Variants in DLGAP2 observed in about 807,000 individuals in gnomAD.
DLGAP2 encodes disks large-associated protein 2.
Under a neutral mutation model 100.3 loss-of-function variants are expected in DLGAP2, and 26 were observed. The ratio of observed to expected loss-of-function variants is 0.26; its 90% CI spans 0.19 to 0.36. The LOEUF (loss-of-function observed/expected upper bound fraction) is 0.36. Among genes scored for constraint, DLGAP2 ranks in the 10% least tolerant of loss-of-function variants. The probability of loss-of-function intolerance (pLI) is 1.00; values close to 1 mark genes in which losing one functional copy is unlikely to be tolerated. For synonymous variants in DLGAP2, 886 were observed against 630.1 expected (o/e 1.41, Z -6.08); for missense variants, 1,858 against 1,453.2 (o/e 1.28, Z -4.53).
At chr8:896,343 G>A (rs982972418) in intron 1 of DLGAP2, among the ~76,000 whole-genome samples, 3 of 151,936 alleles carry the variant, frequency 2.0e-5, no homozygotes, top group Admixed American at 6.6e-5. Context: ...GGACCTGGCC[G>A]GGGAGTGGAA....
At chr8:1,664,401 G>T (rs1798491962) in intron 8 of DLGAP2, among the ~76,000 whole-genome samples, 3 of 152,246 alleles carry the variant, frequency 2.0e-5, no homozygotes, top group African/African-American at 4.8e-5. Context: ...TTCAACCCCA[G>T]TCTCTCTCTG....
chr8:1,190,714 C>T (rs1454566820), intron 2 of DLGAP2, among the ~76,000 whole-genome samples: 2 of 152,092 alleles, frequency 1.3e-5, no homozygotes, highest in South Asian at 2.1e-4. Flanking sequence ...AAAGCCAGGG[C>T]CAGAGGTCAC....
At chr8:1,166,348 G>A (rs1224446600) in intron 2 of DLGAP2, among the ~76,000 whole-genome samples, 4 of 152,170 alleles carry the variant, frequency 2.6e-5, no homozygotes, top group Non-Finnish European at 4.4e-5. Context: ...ATTCAGGACC[G>A]ACATCTCCTT....
intron 2 of DLGAP2, among the ~76,000 whole-genome samples, chr8:1,251,141 A>C (rs1799030777): frequency 6.6e-6 from 1 of 152,216 alleles, no homozygotes; most frequent in African/African-American, 2.4e-5. Flanking sequence ...CCGTGCAACA[A>C]GCAATATCAT....
At chr8:1,466,991 A>T (rs1342311689) in intron 3 of DLGAP2, among the ~76,000 whole-genome samples, 1 of 152,234 alleles carries the variant, frequency 6.6e-6, no homozygotes, top group Admixed American at 6.5e-5. Context: ...TGAAAGGCTG[A>T]ACACTTTGAA....
At chr8:897,175 G>A (rs1051578524) in intron 1 of DLGAP2, among the ~76,000 whole-genome samples, 5 of 152,142 alleles carry the variant, frequency 3.3e-5, no homozygotes, top group Admixed American at 1.3e-4. Context: ...CTGGAATCTC[G>A]TGTAAAACAT....
chr8:1,595,644 C>T (rs367840446), intron 6 of DLGAP2, among the ~76,000 whole-genome samples: 4 of 147,022 alleles, frequency 2.7e-5, no homozygotes, highest in Admixed American at 6.8e-5. Context: ...TCCGCAGTCC[C>T]GCCTGGGCGA....
intron 6 of DLGAP2, among the ~76,000 whole-genome samples, chr8:1,597,895 C>G (rs1644802124): frequency 6.6e-6 from 1 of 152,194 alleles, no homozygotes; most frequent in African/African-American, 2.4e-5. Context: ...ACCAGAACAT[C>G]CATCACTATG....
intron 3 of DLGAP2, among the ~76,000 whole-genome samples, chr8:1,411,669 A>G (rs35993316): frequency 0.28 from 42,210 of 152,094 alleles, 6,075 homozygotes; most frequent in Middle Eastern, 0.35. Context: ...ACCATCTGCT[A>G]AACTTCAAAC....
At chr8:1,244,832 A>G (rs1484755041) in intron 2 of DLGAP2, among the ~76,000 whole-genome samples, 2 of 152,250 alleles carry the variant, frequency 1.3e-5, no homozygotes, top group African/African-American at 2.4e-5. Flanking sequence ...CCATCAATAA[A>G]GTAAGAAGGA....
At chr8:1,232,854 G>A (rs924423210) in intron 2 of DLGAP2, among the ~76,000 whole-genome samples, 3 of 152,174 alleles carry the variant, frequency 2.0e-5, no homozygotes, top group South Asian at 2.1e-4. Flanking sequence ...GGCTTTTAGT[G>A]TGTTTGCACG....
chr8:1,246,306 T>C (rs1798899369), intron 2 of DLGAP2, among the ~76,000 whole-genome samples: 2 of 152,218 alleles, frequency 1.3e-5, no homozygotes, highest in South Asian at 2.1e-4. Flanking sequence ...AATTTCCCAC[T>C]ATTCACAGTT....
intron 3 of DLGAP2, among the ~76,000 whole-genome samples, chr8:1,360,153 C>T (rs985076670): frequency 5.4e-5 from 8 of 148,714 alleles, no homozygotes; most frequent in African/African-American, 2.0e-4. Flanking sequence ...GACCTTGGTG[C>T]AGGTGCATAA....
intron 6 of DLGAP2, among the ~76,000 whole-genome samples, chr8:1,624,344 G>A (rs1248144248): frequency 2.0e-5 from 3 of 152,236 alleles, no homozygotes; most frequent in East Asian, 3.9e-4. Context: ...GGTGAGTCAA[G>A]TTAAGAGCCT....
chr8:1,455,804 C>T (rs1426615935), intron 3 of DLGAP2, among the ~76,000 whole-genome samples: 2 of 152,338 alleles, frequency 1.3e-5, no homozygotes, highest in African/African-American at 2.4e-5. Flanking sequence ...GAAGGCACCA[C>T]CTCCTCCCAT....
At chr8:1,050,348 C>T (rs1041463020) in intron 2 of DLGAP2, among the ~76,000 whole-genome samples, 6 of 152,176 alleles carry the variant, frequency 3.9e-5, no homozygotes, top group Non-Finnish European at 8.8e-5. Flanking sequence ...GGATAGTACT[C>T]AATGTTGCAT....
intron 2 of DLGAP2, among the ~76,000 whole-genome samples, chr8:1,038,211 A>G (rs1424958239): frequency 1.3e-5 from 2 of 152,232 alleles, no homozygotes; most frequent in African/African-American, 2.4e-5. Flanking sequence ...TGTGGTTGAG[A>G]GTCCCTCATC....
intron 1 of DLGAP2, among the ~76,000 whole-genome samples, chr8:853,792 C>T (rs1385881734): frequency 2.0e-5 from 3 of 152,170 alleles, no homozygotes; most frequent in African/African-American, 7.2e-5. Context: ...CAGGGCATTA[C>T]AGAAACAAGG....
intron 6 of DLGAP2, among the ~76,000 whole-genome samples, chr8:1,625,893 C>A (rs188802396): frequency 5.3e-5 from 8 of 152,170 alleles, no homozygotes; most frequent in African/African-American, 1.7e-4. Flanking sequence ...CTCATCAAGA[C>A]ACAGACATTC....
Sources: allele counts gnomAD v4.1 joint callset (sites outside exome capture counted in the v4.1 genomes callset), GRCh38; gene constraint gnomAD v4.1.1; transcripts MANE v1.5; gene names NCBI Gene and HGNC (gene_info 2026-07-23, HGNC 2026-07-21).